Variants in NLRP5 observed in about 807,000 individuals in gnomAD.
NLRP5 encodes the protein NACHT, LRR and PYD domains-containing protein 5.
Under a neutral mutation model 113.1 loss-of-function variants are expected in NLRP5, and 93 were observed. The ratio of observed to expected loss-of-function variants is 0.82; its 90% CI spans 0.70 to 0.98. NLRP5 has a LOEUF of 0.98. NLRP5 is among the 50% of genes least tolerant of loss of function. The probability of loss-of-function intolerance (pLI) is 0.00; values close to 1 mark genes in which losing one functional copy is unlikely to be tolerated. For missense variants in NLRP5, 1,808 were observed against 1,514.3 expected (o/e 1.19, Z -3.22); for synonymous variants, 751 against 600.7 (o/e 1.25, Z -3.66).
chr19:56,002,339 C>T (rs1052402152), intron 1 of NLRP5, among the ~76,000 whole-genome samples: 4 of 152,086 alleles, frequency 2.6e-5, no homozygotes, highest in Non-Finnish European at 5.9e-5. Context: ...TATTTTTACA[C>T]CAAAACTGTT....
intron 2 of NLRP5, among the ~76,000 whole-genome samples, chr19:56,007,385 C>T (rs645588): frequency 1.4e-5 from 2 of 148,014 alleles, no homozygotes; most frequent in Non-Finnish European, 3.0e-5. Flanking sequence ...GAAAGTCTTA[C>T]AGTTCCTATT....
At chr19:56,017,525 C>A (rs1172779367) in intron 4 of NLRP5, among the ~76,000 whole-genome samples, 1 of 152,076 alleles carries the variant, frequency 6.6e-6, no homozygotes. Flanking sequence ...CCCCTTTGAC[C>A]TGTTGAGGAT....
chr19:56,016,965 T>C (rs889080953), intron 4 of NLRP5, among the ~76,000 whole-genome samples: 4 of 152,106 alleles, frequency 2.6e-5, no homozygotes, highest in Admixed American at 1.3e-4. Flanking sequence ...TGCGCCACCA[T>C]GCCCAGCTAA....
chr19:56,057,766 C>G (rs995610583), intron 13 of NLRP5, among the ~76,000 whole-genome samples: 4 of 152,248 alleles, frequency 2.6e-5, no homozygotes, highest in African/African-American at 9.6e-5. Context: ...TGGCTCATGC[C>G]TGTAATTCCA....
intron 2 of NLRP5, among the ~76,000 whole-genome samples, chr19:56,005,125 T>TAA (rs1568481410): frequency 3.6e-5 from 5 of 138,654 alleles, no homozygotes; most frequent in African/African-American, 1.1e-4. Context: ...TATATATATA[T>TAA]AATATATACA....
intron 2 of NLRP5, among the ~76,000 whole-genome samples, chr19:56,007,916 T>TACAAGACA (rs1982003141): frequency 2.8e-5 from 1 of 35,874 alleles, no homozygotes. Context: ...TGTGTGTGTG[T>TACAAGACA]GTGTGTGTGT....
intron 11 of NLRP5, among the ~76,000 whole-genome samples, chr19:56,045,864 G>T (rs369719189): frequency 1.3e-5 from 2 of 152,136 alleles, no homozygotes; most frequent in African/African-American, 2.4e-5. Flanking sequence ...GAATGTTGCA[G>T]GTTGGCTAAT....
intron 3 of NLRP5, among the ~76,000 whole-genome samples, chr19:56,009,547 C>G (rs935636523): frequency 1.3e-5 from 2 of 152,040 alleles, no homozygotes; most frequent in African/African-American, 4.8e-5. Flanking sequence ...TGACCTCATG[C>G]CAGCCACTGC....
chr19:56,050,276 C>A (rs967273529), intron 11 of NLRP5, 142 bp from the exon 12 acceptor site: 96 of 540,946 alleles, frequency 1.8e-4, no homozygotes, highest in African/African-American at 6.7e-4. Context: ...CAAGACTCCT[C>A]AAAAAAAAAA....
chr19:56,038,661 G>A (rs140531804), intron 10 of NLRP5, among the ~76,000 whole-genome samples: 2 of 152,096 alleles, frequency 1.3e-5, no homozygotes, highest in African/African-American at 4.8e-5. Context: ...TCAAAAAGGA[G>A]GAGGGTCACC....
At chr19:56,000,455 C>T (rs1981599862) in intron 1 of NLRP5, among the ~76,000 whole-genome samples, 1 of 152,038 alleles carries the variant, frequency 6.6e-6, no homozygotes, top group Non-Finnish European at 1.5e-5. Flanking sequence ...AGCTCCGACT[C>T]CCGGGTTCAC....
At chr19:55,987,957 A>C in the NLRP5 span, 1 of 1,440,404 alleles carries the variant, frequency 6.9e-7, no homozygotes, top group Non-Finnish European at 9.8e-7. Context: ...ATCAGTTCCC[A>C]CTCTGACAAC....
In NLRP5 at chr19:56,041,090, G is replaced by A. The variant is rs61732213; in HGVS notation, c.2955G>A (p.Leu985=). Residue 985 remains leucine (L), a splice_region_variant and synonymous_variant, in exon 11 of 15, where the codon CTG becomes CTA. Transcript: ENST00000390649. ...TTCCCCACTGTAGTCTGCAGAGGCTGATGTGAGTCTGGCTTGCTCCCCTGC... is the reference window on the plus strand; with the variant it reads ...TTCCCCACTGTAGTCTGCAGAGGCTAATGTGAGTCTGGCTTGCTCCCCTGC... The A allele has an allele frequency of 1.7e-5, 27 of 1,613,510 alleles. No individual in the cohort carries two copies. The highest frequency in any genetic ancestry group is 2.2e-5 in the Non-Finnish European group (26 of 1,179,710).
chr19:56,005,107 A>AAATAT (rs1173746273), intron 2 of NLRP5, among the ~76,000 whole-genome samples: 2 of 95,344 alleles, frequency 2.1e-5, no homozygotes, highest in African/African-American at 3.9e-5. Flanking sequence ...AAAAAAAAAA[A>AAATAT]ATATATATAT....
At chr19:56,026,783 C>T (rs1982869435) in intron 6 of NLRP5, 130 bp from the exon 7 acceptor site, 11 of 901,600 alleles carry the variant, frequency 1.2e-5, no homozygotes, top group Non-Finnish European at 1.8e-5. Context: ...TTGCCATTGA[C>T]CAGGCTGGTC....
At chr19:56,032,515 C>T (rs1983158117) in intron 7 of NLRP5, 96 bp from the exon 8 acceptor site, 7 of 1,168,992 alleles carry the variant, frequency 6.0e-6, no homozygotes, top group Non-Finnish European at 8.4e-6. Flanking sequence ...CGTGGTCTCA[C>T]CTCGAGAGCT....
At position 56,038,161 on chromosome 19, in the gene NLRP5, T is replaced by TGAC. The variant is rs778083895; in HGVS notation, c.2752_2753insGAC (p.Ala917_Leu918insTer). The TGAC allele has an allele frequency of 6.2e-7, 1 of 1,613,892 alleles. No homozygotes were observed. The highest frequency in any genetic ancestry group is 1.7e-5 in the Admixed American group (1 of 60,014). Reference sequence around the variant, plus strand: ...GGGAGTAATGCCTCTCAGTGATGCCTTGAGAGTCTCCCAGTGCGCCCTGCA... The same window carrying TGAC: ...GGGAGTAATGCCTCTCAGTGATGCCTGACTGAGAGTCTCCCAGTGCGCCCTGCA... On this transcript the variant is annotated stop_gained, in exon 10 of 15. Coordinates refer to ENST00000390649, the MANE Select transcript of NLRP5 (RefSeq NM_153447.4). LOFTEE classifies it high-confidence loss of function.
At chr19:55,997,777 C>G (rs1981372939), upstream of NLRP5, among the ~76,000 whole-genome samples, 1 of 151,982 alleles carries the variant, frequency 6.6e-6, no homozygotes, top group Admixed American at 6.6e-5. Flanking sequence ...GCAGGAGGAT[C>G]ACTTGACCCC....
chr19:56,053,885 GGAT>G (rs1306410621), intron 13 of NLRP5, 77 bp downstream of exon 13: 3 of 1,347,066 alleles, frequency 2.2e-6, no homozygotes, highest in Middle Eastern at 2.5e-4. Flanking sequence ...GCTTGAACAG[GGAT>G]GATGATGATC....
Sources: gnomAD v4.1 joint callset for allele counts (sites outside exome capture counted in the v4.1 genomes callset) on GRCh38, gnomAD v4.1.1 for gene constraint, MANE v1.5 for transcripts, NCBI Gene and HGNC (gene_info 2026-07-23, HGNC 2026-07-21) for gene names.